The following ZC3H3 variants were observed in gnomAD, a reference collection of about 807,000 sequenced individuals.
ZC3H3 encodes zinc finger CCCH-type containing 3.
A neutral mutation model predicts 77.3 loss-of-function variants in ZC3H3; 36 were observed. The observed-to-expected ratio is 0.47, with a 90% CI of 0.36 to 0.61. ZC3H3 has a LOEUF of 0.61. Among genes scored for constraint, ZC3H3 ranks in the 20% least tolerant of loss-of-function variants. The pLI, the probability that ZC3H3 is intolerant of heterozygous loss-of-function variation, is 0.00. For synonymous variants in ZC3H3, 626 were observed against 555.2 expected, an observed-to-expected ratio of 1.13 and a Z score of -1.79; for missense variants, 1,331 against 1,312.2, an observed-to-expected ratio of 1.01 and a Z score of -0.22.
At chr8:143,466,912 TAA>T (rs1187305636) in intron 8 of ZC3H3, among the ~76,000 whole-genome samples, 1 of 152,128 alleles carries the variant, frequency 6.6e-6, no homozygotes, top group Non-Finnish European at 1.5e-5. Flanking sequence ...CCAGAGGCTT[TAA>T]AAAGTCACTT....
At chr8:143,464,018 G>C (rs1204022599) in intron 9 of ZC3H3, among the ~76,000 whole-genome samples, 1 of 152,226 alleles carries the variant, frequency 6.6e-6, no homozygotes, top group East Asian at 1.9e-4. Flanking sequence ...TAAACTCTCT[G>C]GGGCCCATTT....
chr8:143,496,656 G>A (rs1225833104), intron 4 of ZC3H3, among the ~76,000 whole-genome samples: 4 of 151,962 alleles, frequency 2.6e-5, no homozygotes, highest in African/African-American at 9.6e-5. Context: ...CCAACATCTA[G>A]AATGAGTGGA....
At chr8:143,511,579 G>T (rs1156878018) in intron 3 of ZC3H3, among the ~76,000 whole-genome samples, 1 of 152,118 alleles carries the variant, frequency 6.6e-6, no homozygotes, top group African/African-American at 2.4e-5. Flanking sequence ...GAGTATCCTG[G>T]GGAGCTGTCC....
At chr8:143,448,228 C>A (rs532055059) in intron 9 of ZC3H3, among the ~76,000 whole-genome samples, 1 of 151,906 alleles carries the variant, frequency 6.6e-6, no homozygotes. Flanking sequence ...ACCGCTTGAA[C>A]CTGGGAGGCA....
chr8:143,506,020 G>A (rs1035487802), intron 4 of ZC3H3, among the ~76,000 whole-genome samples: 17 of 152,362 alleles, frequency 1.1e-4, no homozygotes, highest in Non-Finnish European at 5.9e-5. Context: ...ACATGGCGCC[G>A]ACAGGAGGCC....
At chr8:143,505,380 G>A (rs995285629) in intron 4 of ZC3H3, among the ~76,000 whole-genome samples, 12 of 152,350 alleles carry the variant, frequency 7.9e-5, no homozygotes, top group African/African-American at 2.9e-4. Flanking sequence ...CCAGCCGCTG[G>A]CCCAGACGCC....
intron 4 of ZC3H3, among the ~76,000 whole-genome samples, chr8:143,489,013 C>G (rs1262235700): frequency 6.6e-6 from 1 of 152,218 alleles, no homozygotes; most frequent in Non-Finnish European, 1.5e-5. Flanking sequence ...AGTCATGCCC[C>G]CTCTGTCCCC....
chr8:143,473,280 A>C (rs1236496212), intron 5 of ZC3H3, among the ~76,000 whole-genome samples: 1 of 151,780 alleles, frequency 6.6e-6, no homozygotes, highest in East Asian at 1.9e-4. Flanking sequence ...AGGCCTCTGC[A>C]TGGCGGCCTC....
At chr8:143,510,255 C>T (rs1158289185) in intron 3 of ZC3H3, among the ~76,000 whole-genome samples, 2 of 152,186 alleles carry the variant, frequency 1.3e-5, no homozygotes, top group Non-Finnish European at 2.9e-5. Context: ...TCCTACAGTC[C>T]CTACCAGACT....
At chr8:143,446,093 G>A (rs949831973) in intron 9 of ZC3H3, among the ~76,000 whole-genome samples, 3 of 152,118 alleles carry the variant, frequency 2.0e-5, no homozygotes, top group East Asian at 1.9e-4. Context: ...CCGCACACCC[G>A]CTGGAAACAA....
chr8:143,482,409 G>A (rs1362545384), intron 4 of ZC3H3, among the ~76,000 whole-genome samples: 1 of 152,210 alleles, frequency 6.6e-6, no homozygotes, highest in Non-Finnish European at 1.5e-5. Flanking sequence ...CTGTAAATGT[G>A]TGTTGCGAGA....
chr8:143,524,765 G>A (rs1822357981), intron 3 of ZC3H3, among the ~76,000 whole-genome samples: 1 of 152,272 alleles, frequency 6.6e-6, no homozygotes, highest in Non-Finnish European at 1.5e-5. Context: ...GGGAACAAGA[G>A]GAATAGGGAG....
rs781175231 is a variant in ZC3H3 at position 143,468,538 on chromosome 8, C to T, written c.1949G>A (p.Arg650Gln). The T allele has an allele frequency of 1.2e-4, 187 of 1,606,394 alleles. No homozygotes were observed. Among genetic ancestry groups the T allele is most frequent in the Middle Eastern group, 1.7e-4 (1 of 6,036 alleles). Residue 650 changes from arginine (R) to glutamine (Q), a missense_variant and splice_region_variant, in exon 7 of 12, where the codon CGG becomes CAG. Around this residue, in one of 3 missense-constraint regions of ZC3H3, gnomAD observed 978 missense variants for 915.5 expected, o/e 1.07. Transcript: ENST00000262577. ...AGSCSRSLAS[R>Q]AVQRSLAIIR... ...GATGGCCAGGCTGCGCTGCACTGCC[C>T]GGCTGCAGACGGGGAGAGAGGTGCG...
At chr8:143,507,001 G>A (rs905771084) in intron 4 of ZC3H3, among the ~76,000 whole-genome samples, 2 of 152,242 alleles carry the variant, frequency 1.3e-5, no homozygotes, top group Non-Finnish European at 2.9e-5. Flanking sequence ...AGAAGACAGA[G>A]GGAGGGGTCT....
At chr8:143,438,844 G>A (rs1009281777) in intron 11 of ZC3H3, among the ~76,000 whole-genome samples, 3 of 152,170 alleles carry the variant, frequency 2.0e-5, no homozygotes, top group African/African-American at 7.2e-5. Flanking sequence ...CAGCTGAGTC[G>A]GGCCCAGCAG....
At chr8:143,454,335 C>G (rs1820060446) in intron 9 of ZC3H3, among the ~76,000 whole-genome samples, 2 of 151,718 alleles carry the variant, frequency 1.3e-5, no homozygotes, top group Admixed American at 6.6e-5. Flanking sequence ...AGGTGATCTG[C>G]CCACCTTGGC....
chr8:143,464,533 C>T (rs962622591), intron 9 of ZC3H3, among the ~76,000 whole-genome samples: 21 of 152,176 alleles, frequency 1.4e-4, no homozygotes, highest in Non-Finnish European at 2.4e-4. Context: ...CACCACAGAA[C>T]GCTGTGCACA....
At chr8:143,468,750 G>T in intron 5 of ZC3H3, 91 bp from the exon 6 acceptor site, 1 of 1,451,874 alleles carries the variant, frequency 6.9e-7, no homozygotes, top group Non-Finnish European at 9.1e-7. Context: ...GCCCTCAGGG[G>T]TCCCAACACT....
chr8:143,474,707 C>T (rs1206677497), intron 5 of ZC3H3, among the ~76,000 whole-genome samples: 2 of 152,252 alleles, frequency 1.3e-5, no homozygotes, highest in Non-Finnish European at 2.9e-5. Flanking sequence ...CCAACACCAC[C>T]TGCAATCTCC....
Sources: allele counts gnomAD v4.1 joint callset (sites outside exome capture counted in the v4.1 genomes callset), GRCh38; gene constraint gnomAD v4.1.1; regional missense constraint gnomAD v4.1.1; transcripts MANE v1.5; gene names NCBI Gene and HGNC (gene_info 2026-07-23, HGNC 2026-07-21).